The following ABLIM3 variants were observed in gnomAD, a reference collection of about 807,000 sequenced individuals.
ABLIM3 encodes actin binding LIM protein family member 3, also known as actin-binding LIM protein 3.
A neutral mutation model predicts 109.5 loss-of-function variants in ABLIM3; 61 were observed. The ratio of observed to expected loss-of-function variants is 0.56; its 90% CI spans 0.45 to 0.69. ABLIM3 has a LOEUF of 0.69. Ranked by LOEUF, ABLIM3 falls within the 30% of genes least tolerant of loss-of-function variation. The pLI is 0.00. For missense variants in ABLIM3, 796 were observed against 889.5 expected (o/e 0.89, Z 1.34); for synonymous variants, 300 against 324.8 (o/e 0.92, Z 0.82).
At chr5:149,216,788 T>G in intron 7 of ABLIM3, 171 bp from the exon 8 acceptor site, 1 of 600,834 alleles carries the variant, frequency 1.7e-6, no homozygotes, top group East Asian at 2.8e-5. Context: ...TCACGAAGCT[T>G]CCCGGCTGGT....
At chr5:149,236,899 G>C (rs1032124713) in intron 10 of ABLIM3, among the ~76,000 whole-genome samples, 1 of 152,196 alleles carries the variant, frequency 6.6e-6, no homozygotes, top group Non-Finnish European at 1.5e-5. Flanking sequence ...TCTATATAAG[G>C]GACTTGGTAC....
At chr5:149,150,671 C>T (rs1348746285) in intron 2 of ABLIM3, among the ~76,000 whole-genome samples, 1 of 152,218 alleles carries the variant, frequency 6.6e-6, no homozygotes, top group Non-Finnish European at 1.5e-5. Context: ...TATTACCCAA[C>T]TTTAGGCAGA....
chr5:149,206,017 T>G (rs1406872453), intron 5 of ABLIM3, among the ~76,000 whole-genome samples: 1 of 152,214 alleles, frequency 6.6e-6, no homozygotes, highest in Non-Finnish European at 1.5e-5. Context: ...AAGTGTGCAT[T>G]TGTCTTATGG....
intron 2 of ABLIM3, among the ~76,000 whole-genome samples, chr5:149,162,385 T>C (rs77393667): frequency 0.088 from 13,342 of 152,202 alleles, 628 homozygotes; most frequent in African/African-American, 0.12. Context: ...TTTCAAAATA[T>C]TTCATCCCAC....
rs577221475 is a variant in ABLIM3, at chr5:149,198,912, A to C, written c.335+510A>C. The C allele has an allele frequency of 7.8e-6, 3 of 383,096 alleles. No homozygotes were observed. The highest frequency in any genetic ancestry group is 6.3e-5 in the African/African-American group (3 of 47,950). 23.7% of individuals were successfully genotyped at this position (383,096 alleles called of 1,614,324 possible). A position where few individuals can be genotyped will look rare whatever the true frequency, so the allele number is the denominator to read the frequency against. ...GTAAAATGGAGGTCAAAGCCATTCCAACCTCATTGGGTTTTCTCGAAGATC... is the reference window on the plus strand; with the variant it reads ...GTAAAATGGAGGTCAAAGCCATTCCCACCTCATTGGGTTTTCTCGAAGATC... On this transcript the variant is annotated intron_variant, in intron 4 of 23. Transcript: ENST00000309868. This position sits in a 1 kb window ranked among gnomAD's most constrained non-coding sequence, Gnocchi z 4.2.
In ABLIM3 at chr5:149,220,395, T is replaced by A. The variant is rs370479730; in HGVS notation, c.757+3349T>A. 388 of 152,340 alleles carry A rather than the reference T, an allele frequency of 2.5e-3. 2 individuals are homozygous for A. Among genetic ancestry groups the A allele is most frequent in the African/African-American group, 8.9e-3 (371 of 41,574 alleles). 9.4% of individuals were successfully genotyped at this position (152,340 alleles called of 1,614,324 possible). A position where few individuals can be genotyped will look rare whatever the true frequency, so the allele number is the denominator to read the frequency against. ...TGGGAGATATTCTTAGTAATGAAGA[T>A]GAGCCTGTCACCTTCTCATTAATTA... On this transcript the variant is annotated intron_variant, in intron 8 of 23. Transcript: ENST00000309868.
rs1304837472 is a variant in ABLIM3, at chr5:149,219,393, T to C, written c.757+2347T>C. 3.9e-5 allele frequency: 6 copies of C among 152,258 alleles called. No homozygotes were observed. In the East Asian group the frequency reaches 9.6e-4, roughly 24 times the overall value. The allele number at this position is 152,258 out of a possible 1,614,324, so 9.4% of individuals were successfully genotyped here. On this transcript the variant is annotated intron_variant, in intron 8 of 23. Coordinates refer to ENST00000309868, the MANE Select transcript of ABLIM3 (RefSeq NM_014945.5). ...TGTTGGATTAAACAAAGTGACCATT[T>C]CTAAGATGCTGTCTACTTACTTATA...
chr5:149,171,623 C>A (rs921402818), intron 2 of ABLIM3, among the ~76,000 whole-genome samples: 4 of 152,166 alleles, frequency 2.6e-5, no homozygotes, highest in Non-Finnish European at 5.9e-5. Flanking sequence ...TTGGCTTCTG[C>A]TTTCTGTGAA....
chr5:149,169,388 G>A (rs1392493098), intron 2 of ABLIM3, among the ~76,000 whole-genome samples: 1 of 152,060 alleles, frequency 6.6e-6, no homozygotes, highest in African/African-American at 2.4e-5. Context: ...TGCAGTTCCA[G>A]CATCACATGT....
intron 3 of ABLIM3, among the ~76,000 whole-genome samples, chr5:149,190,228 A>AT (rs1362203621): frequency 2.0e-5 from 3 of 152,186 alleles, no homozygotes; most frequent in African/African-American, 7.2e-5. Flanking sequence ...ATAAGGAGTG[A>AT]TTTGTAATGG....
chr5:149,196,374 A>C (rs1324128309), intron 3 of ABLIM3, among the ~76,000 whole-genome samples: 1 of 152,246 alleles, frequency 6.6e-6, no homozygotes, highest in Non-Finnish European at 1.5e-5. Flanking sequence ...GACTCTTCAG[A>C]CTTACAGTCT....
chr5:149,173,925 G>A (rs1755679928), intron 2 of ABLIM3, among the ~76,000 whole-genome samples: 1 of 151,472 alleles, frequency 6.6e-6, no homozygotes. Flanking sequence ...GGGAGGCTGA[G>A]GCAGGAGAAT....
chr5:149,250,573 T>A (rs562738113), intron 20 of ABLIM3, 68 bp downstream of exon 20: 2 of 1,563,720 alleles, frequency 1.3e-6, no homozygotes, highest in Admixed American at 3.4e-5. Flanking sequence ...CAACATTAGC[T>A]TATTGTAAGG....
In ABLIM3 at chr5:149,191,697, G is replaced by A. The variant is rs77672303; in HGVS notation, c.152-6522G>A. Among the ~76,000 whole-genome samples, 1,835 of 150,788 alleles carry A rather than the reference G, an allele frequency of 0.012. 85 individuals carry two copies. The East Asian group carries it at 0.15, about 13-fold the overall frequency. On this transcript the variant is annotated intron_variant, in intron 3 of 23. Coordinates refer to ENST00000309868, the MANE Select transcript of ABLIM3 (RefSeq NM_014945.5). ...AAAGTGTGAAAAATATAGCATAACT[G>A]ACCAAGTTGAGTTTATTCTAGAAAT...
intron 2 of ABLIM3, among the ~76,000 whole-genome samples, chr5:149,152,847 C>T (rs1753561464): frequency 6.6e-6 from 1 of 152,110 alleles, no homozygotes. Flanking sequence ...TGTGGCTACT[C>T]ACAACCTTTC....
In ABLIM3 at chr5:149,251,440, G is replaced by T. The variant is rs200248425; in HGVS notation, c.1849+21G>T. Reference sequence around the variant, plus strand: ...GCGAGGTGAGTGCAGGCCTGCAGGGGGTCTGCAGGGAGAGTGCCTCCAGAT... The same window carrying T: ...GCGAGGTGAGTGCAGGCCTGCAGGGTGTCTGCAGGGAGAGTGCCTCCAGAT... On this transcript the variant is annotated intron_variant, in intron 21 of 23. Transcript: ENST00000309868. 333 of 1,612,502 alleles carry T rather than the reference G, an allele frequency of 2.1e-4. No individual in the cohort carries two copies. The African/African-American group carries it at 4.0e-3, about 19-fold the overall frequency.
chr5:149,207,329 G>A (rs1759090282), intron 6 of ABLIM3, among the ~76,000 whole-genome samples, 195 bp downstream of exon 6: 1 of 151,922 alleles, frequency 6.6e-6, no homozygotes, highest in Non-Finnish European at 1.5e-5. Context: ...CTCTGCCTGA[G>A]ACACCCTCCC....
At chr5:149,242,718 A>T (rs774455329) in intron 15 of ABLIM3, 180 bp downstream of exon 15, 3 of 669,886 alleles carry the variant, frequency 4.5e-6, no homozygotes, top group Non-Finnish European at 8.0e-6. Context: ...ATCATTTCAA[A>T]AGAACAAAGT....
At chr5:149,186,198 G>A (rs1202798717) in intron 3 of ABLIM3, among the ~76,000 whole-genome samples, 5 of 152,068 alleles carry the variant, frequency 3.3e-5, no homozygotes, top group Non-Finnish European at 5.9e-5. Context: ...GGAGGGTCAC[G>A]AGGTCAGGAG....
Sources: allele counts gnomAD v4.1 joint callset (sites outside exome capture counted in the v4.1 genomes callset), GRCh38; gene constraint gnomAD v4.1.1; non-coding constraint Gnocchi (gnomAD v3.1); transcripts MANE v1.5; gene names NCBI Gene and HGNC (gene_info 2026-07-23, HGNC 2026-07-21).